The following PCDH15 variants were observed in gnomAD, a reference collection of about 807,000 sequenced individuals.
PCDH15 encodes the protein protocadherin related 15.
In PCDH15, 129 loss-of-function variants were observed where a neutral mutation model predicts 178.5. The ratio of observed to expected loss-of-function variants is 0.72; its 90% CI spans 0.63 to 0.84. The LOEUF is 0.84. Among genes scored for constraint, PCDH15 ranks in the 40% least tolerant of loss-of-function variants. PCDH15 has a pLI of 0.00. For synonymous variants in PCDH15, 800 were observed against 732.0 expected, an observed-to-expected ratio of 1.09 and a Z score of -1.50; for missense variants, 2,230 against 2,099.9, an observed-to-expected ratio of 1.06 and a Z score of -1.21.
chr10:54,739,994 C>G (rs1944581645), intron 1 of PCDH15, among the ~76,000 whole-genome samples: 1 of 151,832 alleles, frequency 6.6e-6, no homozygotes, highest in Non-Finnish European at 1.5e-5. Context: ...TGGGCAAGTC[C>G]TCAAAAGCAC....
At chr10:54,307,092 A>G (rs866991604) in intron 8 of PCDH15, among the ~76,000 whole-genome samples, 8,303 of 18,170 alleles carry the variant, frequency 0.46, 2,498 homozygotes, top group Non-Finnish European at 0.52. Flanking sequence ...ATATATATAT[A>G]TGTGTGTGTG....
intron 2 of PCDH15, among the ~76,000 whole-genome samples, chr10:54,899,140 A>C (rs1473521176): frequency 2.0e-5 from 3 of 152,178 alleles, no homozygotes; most frequent in Admixed American, 2.0e-4. Context: ...TAAATAATTC[A>C]CTTGCTGGAC....
At chr10:55,507,952 T>C (rs1215476454) in intron 2 of PCDH15, among the ~76,000 whole-genome samples, 1 of 151,694 alleles carries the variant, frequency 6.6e-6, no homozygotes, top group African/African-American at 2.4e-5. Flanking sequence ...ACCTAAGGTA[T>C]ATCTACATGT....
chr10:53,838,959 C>T (rs550045872), intron 29 of PCDH15, among the ~76,000 whole-genome samples: 20 of 152,088 alleles, frequency 1.3e-4, no homozygotes, highest in African/African-American at 4.6e-4. Flanking sequence ...AATCCCAGCA[C>T]TTTGGGATGC....
At chr10:54,918,926 G>T (rs535488952) in intron 2 of PCDH15, among the ~76,000 whole-genome samples, 1 of 152,202 alleles carries the variant, frequency 6.6e-6, no homozygotes, top group South Asian at 2.1e-4. Flanking sequence ...TTAAACATGA[G>T]CAGAACATTT....
At chr10:55,007,528 A>C (rs926981753) in intron 2 of PCDH15, among the ~76,000 whole-genome samples, 2 of 148,834 alleles carry the variant, frequency 1.3e-5, no homozygotes, top group Admixed American at 6.7e-5. Context: ...GAGGTTGGCA[A>C]AGTTTTTATC....
chr10:54,776,330 T>C (rs1949699451), intron 1 of PCDH15, among the ~76,000 whole-genome samples: 1 of 152,084 alleles, frequency 6.6e-6, no homozygotes, highest in South Asian at 2.1e-4. Context: ...TTTAAGGAGG[T>C]ATTCATCAAA....
At chr10:54,990,892 A>G (rs1424568505) in intron 2 of PCDH15, among the ~76,000 whole-genome samples, 1 of 152,192 alleles carries the variant, frequency 6.6e-6, no homozygotes, top group East Asian at 1.9e-4. Context: ...AATTTACAAA[A>G]GAACATTAAC....
intron 2 of PCDH15, among the ~76,000 whole-genome samples, chr10:55,537,552 C>A (rs950922746): frequency 4.1e-5 from 6 of 145,784 alleles, no homozygotes; most frequent in Non-Finnish European, 9.1e-5. Context: ...TCTCCTGCCT[C>A]AGCCTCCCCA....
intron 23 of PCDH15, 57 bp downstream of exon 23, chr10:53,959,675 C>T (rs2088064752): frequency 6.5e-5 from 85 of 1,310,032 alleles, no homozygotes; most frequent in Non-Finnish European, 9.2e-5. Context: ...TTGAGAGACT[C>T]CTTTCAAAAA....
At chr10:54,141,544 T>C (rs1025890485) in intron 14 of PCDH15, among the ~76,000 whole-genome samples, 3 of 152,166 alleles carry the variant, frequency 2.0e-5, no homozygotes, top group African/African-American at 7.2e-5. Context: ...AACTGTGATA[T>C]GGGTTAAAAG....
intron 2 of PCDH15, among the ~76,000 whole-genome samples, chr10:55,458,880 A>G (rs184207383): frequency 7.9e-5 from 12 of 152,174 alleles, no homozygotes; most frequent in Admixed American, 4.6e-4. Context: ...ACGGTAAATG[A>G]CTAAAAATAG....
At chr10:55,551,385 T>A (rs112854633) in intron 2 of PCDH15, among the ~76,000 whole-genome samples, 4 of 151,918 alleles carry the variant, frequency 2.6e-5, no homozygotes, top group African/African-American at 9.7e-5. Context: ...GCATTCTATG[T>A]GAAGGCTTTT....
intron 2 of PCDH15, among the ~76,000 whole-genome samples, chr10:55,124,960 T>A (rs1837859996): frequency 6.6e-6 from 1 of 151,972 alleles, no homozygotes; most frequent in African/African-American, 2.4e-5. Flanking sequence ...ACTCTAGGAC[T>A]TTAGGTGACA....
intron 1 of PCDH15, among the ~76,000 whole-genome samples, chr10:55,279,807 C>T (rs1188901669): frequency 3.9e-5 from 6 of 152,140 alleles, no homozygotes; most frequent in Non-Finnish European, 8.8e-5. Flanking sequence ...ATATTGAGGT[C>T]CTCATGGCTA....
At chr10:54,970,801 C>T (rs1229490076) in intron 2 of PCDH15, among the ~76,000 whole-genome samples, 5 of 152,192 alleles carry the variant, frequency 3.3e-5, no homozygotes, top group Non-Finnish European at 7.4e-5. Flanking sequence ...AAATTATTCA[C>T]AGGCCTCAAG....
At chr10:53,818,588 C>T (rs1263830584) in intron 33 of PCDH15, among the ~76,000 whole-genome samples, 1 of 151,742 alleles carries the variant, frequency 6.6e-6, no homozygotes, top group Non-Finnish European at 1.5e-5. Context: ...GCTTTAATAG[C>T]CAAATATTCA....
chr10:54,066,677 T>C, intron 18 of PCDH15, 80 bp downstream of exon 18: 1 of 1,443,338 alleles, frequency 6.9e-7, no homozygotes, highest in Non-Finnish European at 9.7e-7. Flanking sequence ...ATTAGCTGAG[T>C]TTCTTTTGAG....
At chr10:55,362,310 A>G (rs376835950) in intron 2 of PCDH15, among the ~76,000 whole-genome samples, 3 of 152,144 alleles carry the variant, frequency 2.0e-5, no homozygotes, top group African/African-American at 7.2e-5. Flanking sequence ...TTCATTACAG[A>G]AATATTTATG....
Sources: allele counts gnomAD v4.1 joint callset (sites outside exome capture counted in the v4.1 genomes callset), GRCh38; gene constraint gnomAD v4.1.1; transcripts MANE v1.5; gene names NCBI Gene and HGNC (gene_info 2026-07-23, HGNC 2026-07-21).